ARK2C: variants seen among roughly 807,000 people sequenced by gnomAD.
ARK2C encodes arkadia (RNF111) C-terminal like ring finger ubiquitin ligase 2C, also known as E3 ubiquitin-protein ligase ARK2C.
At chr18:46,360,858 G>A in the ARK2C span, among the ~76,000 whole-genome samples, 1 of 152,222 alleles carries the variant, frequency 6.6e-6, no homozygotes, top group African/African-American at 2.4e-5. Flanking sequence ...GTTCAGCAGC[G>A]GAACTCCTGG....
At chr18:46,455,994 G>A in the ARK2C span, 3 of 1,612,824 alleles carry the variant, frequency 1.9e-6, no homozygotes, top group Admixed American at 1.7e-5. Flanking sequence ...AGGATGGCAA[G>A]GGCAAGAAGG....
chr18:46,437,855 A>G, the ARK2C span, among the ~76,000 whole-genome samples: 1 of 152,166 alleles, frequency 6.6e-6, no homozygotes, highest in East Asian at 1.9e-4. Flanking sequence ...AGCCCTGCCT[A>G]GGTGGAGGTC....
At chr18:46,391,928 AC>A in the ARK2C span, among the ~76,000 whole-genome samples, 1 of 151,546 alleles carries the variant, frequency 6.6e-6, no homozygotes, top group South Asian at 2.1e-4. Flanking sequence ...ATACACGTAC[AC>A]CATGCACACA....
chr18:46,372,256 A>G, the ARK2C span, among the ~76,000 whole-genome samples: 1 of 148,902 alleles, frequency 6.7e-6, no homozygotes, highest in East Asian at 1.9e-4. Context: ...TATTCTGGAG[A>G]GAGCCCAGTT....
chr18:46,373,875 C>A, the ARK2C span, among the ~76,000 whole-genome samples: 4 of 151,976 alleles, frequency 2.6e-5, no homozygotes, highest in Admixed American at 6.6e-5. Context: ...CACCCCCGGT[C>A]CCAGACCCTG....
At chr18:46,354,104 T>A in the ARK2C span, among the ~76,000 whole-genome samples, 1 of 152,320 alleles carries the variant, frequency 6.6e-6, no homozygotes, top group African/African-American at 2.4e-5. Context: ...AATTCTCTCC[T>A]CTTCCTTTTG....
the ARK2C span, among the ~76,000 whole-genome samples, chr18:46,448,772 T>G: frequency 6.6e-6 from 1 of 152,296 alleles, no homozygotes; most frequent in African/African-American, 2.4e-5. Flanking sequence ...CTCCTGACAT[T>G]GCAAGCTGCA....
the ARK2C span, among the ~76,000 whole-genome samples, chr18:46,378,348 G>A: frequency 1.3e-5 from 2 of 152,206 alleles, no homozygotes; most frequent in Admixed American, 1.3e-4. Flanking sequence ...AGGCCACACA[G>A]CAGTGTGAGT....
chr18:46,442,941 G>A, the ARK2C span, among the ~76,000 whole-genome samples: 20 of 152,138 alleles, frequency 1.3e-4, no homozygotes. Context: ...TACCTTGTCT[G>A]ATGTTAACAT....
chr18:46,347,655 C>T, the ARK2C span, among the ~76,000 whole-genome samples: 18 of 152,116 alleles, frequency 1.2e-4, no homozygotes, highest in Admixed American at 7.9e-4. Flanking sequence ...GCTCCTGGCA[C>T]AGAGTAGGGG....
At chr18:46,350,550 G>T in the ARK2C span, among the ~76,000 whole-genome samples, 1 of 152,180 alleles carries the variant, frequency 6.6e-6, no homozygotes. Flanking sequence ...AAGAACCCCT[G>T]CAGCAGTTAC....
chr18:46,447,626 C>T, the ARK2C span: 5 of 1,614,144 alleles, frequency 3.1e-6, no homozygotes, highest in Non-Finnish European at 4.2e-6. Flanking sequence ...TCCCTCAGCA[C>T]TATCAGCATT....
the ARK2C span, among the ~76,000 whole-genome samples, chr18:46,454,328 A>T: frequency 2.2e-4 from 34 of 152,174 alleles, no homozygotes; most frequent in South Asian, 6.6e-3. Context: ...TTTTTCTAGC[A>T]GGGTCAGCTA....
At chr18:46,336,506 T>C in the ARK2C span, 10 of 985,460 alleles carry the variant, frequency 1.0e-5, no homozygotes, top group Non-Finnish European at 1.1e-5. Flanking sequence ...TTTCGCAGAA[T>C]GTGATAAGAG....
chr18:46,433,564 C>G, the ARK2C span: 14 of 1,441,754 alleles, frequency 9.7e-6, no homozygotes, highest in Non-Finnish European at 8.4e-6. Context: ...GGGGGCAGGG[C>G]CAGGGCGTGG....
At chr18:46,345,819 G>C in the ARK2C span, among the ~76,000 whole-genome samples, 6 of 152,156 alleles carry the variant, frequency 3.9e-5, no homozygotes, top group Admixed American at 3.9e-4. Flanking sequence ...CGACTCCCGG[G>C]GTGGCTATAC....
the ARK2C span, chr18:46,450,203 G>A: frequency 3.8e-6 from 3 of 799,756 alleles, no homozygotes; most frequent in African/African-American, 1.7e-5. Context: ...ATCTCAGGGT[G>A]TACTGAGTGG....
the ARK2C span, among the ~76,000 whole-genome samples, chr18:46,417,396 C>T: frequency 1.3e-5 from 2 of 152,244 alleles, no homozygotes; most frequent in South Asian, 4.1e-4. Context: ...ATCACCTAAA[C>T]TCCTACCACT....
the ARK2C span, among the ~76,000 whole-genome samples, chr18:46,345,082 C>T: frequency 1.4e-5 from 2 of 140,152 alleles, no homozygotes; most frequent in South Asian, 2.1e-4. Context: ...GAGGCTGCTT[C>T]GGGGCAGGGG....
Sources: gnomAD v4.1 joint callset for allele counts (sites outside exome capture counted in the v4.1 genomes callset) on GRCh38, gnomAD v4.1.1 for gene constraint, MANE v1.5 for transcripts, NCBI Gene and HGNC (gene_info 2026-07-23, HGNC 2026-07-21) for gene names.